The following ODF1 variants were observed in gnomAD, a reference collection of about 807,000 sequenced individuals.
The protein encoded by ODF1 is outer dense fiber of sperm tails 1, also known as outer dense fiber protein 1.
In ODF1, 10 loss-of-function variants were observed where a neutral mutation model predicts 24.0. That is an observed-to-expected ratio of 0.42 (90% CI 0.26 to 0.71). ODF1 has a LOEUF of 0.71. Ranked by LOEUF, ODF1 falls within the 30% of genes least tolerant of loss-of-function variation. The probability of loss-of-function intolerance (pLI) is 0.28; values close to 1 mark genes in which losing one functional copy is unlikely to be tolerated. For missense variants in ODF1, 282 were observed against 307.9 expected, an observed-to-expected ratio of 0.92 and a Z score of 0.63; for synonymous variants, 118 against 121.3, an observed-to-expected ratio of 0.97 and a Z score of 0.18.
intron 1 of ODF1, among the ~76,000 whole-genome samples, chr8:102,558,264 A>C (rs1826136457): frequency 6.6e-6 from 1 of 152,168 alleles, no homozygotes; most frequent in African/African-American, 2.4e-5. Context: ...ATCCTGGCTA[A>C]CACGGTGAAA....
chr8:102,555,692 A>G (rs1475800712), intron 1 of ODF1, among the ~76,000 whole-genome samples: 1 of 152,198 alleles, frequency 6.6e-6, no homozygotes, highest in Non-Finnish European at 1.5e-5. Flanking sequence ...AAGCCCTCAG[A>G]GAAAACATTC....
In ODF1 at chr8:102,551,771, TAAA is replaced by T; in HGVS notation, c.45_47del (p.Ile15_Lys16delinsMet). 6.2e-7 allele frequency: 1 copy of T among 1,613,172 alleles called. No individual in the cohort carries two copies. Among genetic ancestry groups the T allele is most frequent in the Non-Finnish European group, 8.5e-7 (1 of 1,179,394 alleles). ...CTCTTGGACAGTGTCAGAAGGGACA[TAAA>T]GAAGGTGGACAGAGAACTAAGGCAA... On this transcript the variant is annotated inframe_deletion, in exon 1 of 2. Coordinates refer to ENST00000285402, the MANE Select transcript of ODF1 (RefSeq NM_024410.4).
chr8:102,552,730 A>G (rs112028747), intron 1 of ODF1, among the ~76,000 whole-genome samples: 65 of 152,192 alleles, frequency 4.3e-4, no homozygotes, highest in Non-Finnish European at 6.8e-4. Context: ...TTTTTTAAAA[A>G]AATTTTTGTT....
rs776206902 is a variant in ODF1, at chr8:102,560,791, C to G, written c.660C>G (p.Pro220=). 1 of 871,970 alleles carries G rather than the reference C, an allele frequency of 1.1e-6. No individual in the cohort carries two copies. Among genetic ancestry groups the G allele is most frequent in the Non-Finnish European group, 1.5e-6 (1 of 657,622 alleles). The allele number at this position is 871,970 out of a possible 1,614,324, so 54.0% of individuals were successfully genotyped here. The change falls in exon 2 of 2, where the codon CCC becomes CCG. Residue 220 remains proline (P), a synonymous_variant. Transcript: ENST00000285402. ...GCAGCCCCTGCAGCCCCTGCAACCCCTGCAGCCCCTGCAACCCGTGCAGCC... is the reference window on the plus strand; with the variant it reads ...GCAGCCCCTGCAGCCCCTGCAACCCGTGCAGCCCCTGCAACCCGTGCAGCC... ...SPCSPCSPCN[P]CSPCNPCSPY... is the part of the protein sequence containing the mutation.
chr8:102,552,344 T>C (rs902968598), intron 1 of ODF1, among the ~76,000 whole-genome samples: 5 of 151,432 alleles, frequency 3.3e-5, no homozygotes, highest in African/African-American at 1.2e-4. Flanking sequence ...GGGGGTGTCA[T>C]TAAAAAGCCA....
chr8:102,553,319 G>T (rs900545014), intron 1 of ODF1, among the ~76,000 whole-genome samples: 2 of 149,648 alleles, frequency 1.3e-5, no homozygotes, highest in Admixed American at 1.3e-4. Flanking sequence ...AGAGGTTGCA[G>T]TGAGCCAAGA....
rs1171198973 is a variant in ODF1 at position 102,560,480 on chromosome 8, G to T, written c.349G>T (p.Ala117Ser). The change falls in exon 2 of 2, where the codon GCT becomes TCT. Residue 117 changes from alanine (A) to serine (S), a missense_variant. By Grantham distance (99) the Ala-to-Ser change is moderately conservative (BLOSUM62 1). Coordinates refer to ENST00000285402, the MANE Select transcript of ODF1 (RefSeq NM_024410.4). Reference sequence around the variant, plus strand: ...GAGAAGAACAACAAATAGAATTCTGGCTTCCTCCTGCTGTAGCAGTAACAT... The same window carrying T: ...GAGAAGAACAACAAATAGAATTCTGTCTTCCTCCTGCTGTAGCAGTAACAT... The part of the protein sequence containing the change: ...KLRRTTNRIL[A>S]SSCCSSNILG... 6.2e-7 allele frequency: 1 copy of T among 1,614,016 alleles called. No individual in the cohort carries two copies. The highest frequency in any genetic ancestry group is 8.5e-7 in the Non-Finnish European group (1 of 1,179,990).
chr8:102,560,684 G>T lies in ODF1; in HGVS notation c.553G>T (p.Asp185Tyr), dbSNP rs543564104. Residue 185 changes from aspartate to tyrosine, a missense_variant, in exon 2 of 2, where the codon GAT (aspartate) becomes TAT (tyrosine). Coordinates refer to ENST00000285402, the MANE Select transcript of ODF1 (RefSeq NM_024410.4). The stretch of plus-strand genomic sequence containing the variant: ...CTTGCCGCCCTGTGTGGATGAGAAG[G>T]ATGTAACATACTCCTATGGGCTCGG... ...FSLPPCVDEK[D>Y]VTYSYGLGSC... The T allele has an allele frequency of 1.3e-4, 216 of 1,614,090 alleles. 2 individuals are homozygous for T. In the South Asian group the frequency reaches 2.1e-3, roughly 15 times the overall value.
chr8:102,552,514 G>A (rs1826054896), intron 1 of ODF1, among the ~76,000 whole-genome samples: 2 of 152,034 alleles, frequency 1.3e-5, no homozygotes, highest in Admixed American at 6.6e-5. Flanking sequence ...AACAGTAGAG[G>A]CATTGCCTTG....
In ODF1 at chr8:102,557,000, A is replaced by G. The variant is rs1303853817; in HGVS notation, c.321-3452A>G. On this transcript the variant is annotated intron_variant, in intron 1 of 1. Transcript: ENST00000285402. The stretch of plus-strand genomic sequence containing the variant: ...GAGAAGATGGCTGGGTATGCAGCTG[A>G]TCATTGCTGTGGGCAGCATGTTTCA... Among the ~76,000 whole-genome samples, 6 of 152,280 alleles carry G rather than the reference A, an allele frequency of 3.9e-5. No individual in the cohort carries two copies. The South Asian group carries it at 8.3e-4, about 21-fold the overall frequency.
intron 1 of ODF1, among the ~76,000 whole-genome samples, chr8:102,559,046 T>C (rs1826147105): frequency 7.8e-6 from 1 of 128,752 alleles, no homozygotes; most frequent in Non-Finnish European, 1.7e-5. Flanking sequence ...CCACAGCACA[T>C]TGCAAAAAAA....
intron 1 of ODF1, among the ~76,000 whole-genome samples, chr8:102,555,327 G>T (rs2436897): frequency 0.85 from 129,806 of 152,078 alleles, 55,773 homozygotes; most frequent in African/African-American, 0.9. Flanking sequence ...AGGAGTTTAT[G>T]ATCTAATTCA....
chr8:102,553,735 C>G (rs961353370), intron 1 of ODF1, among the ~76,000 whole-genome samples: 3 of 152,230 alleles, frequency 2.0e-5, no homozygotes, highest in African/African-American at 7.2e-5. Context: ...CCTGTGCTGT[C>G]TACTCTCTTG....
intron 1 of ODF1, among the ~76,000 whole-genome samples, chr8:102,552,377 T>C (rs1826052342): frequency 6.6e-6 from 1 of 152,002 alleles, no homozygotes; most frequent in African/African-American, 2.4e-5. Context: ...AACTAAACAT[T>C]TTTCCTGGTT....
Position 102,560,459 on chromosome 8 carries a change from A to G in ODF1, c.328A>G (p.Arg110Gly), listed in dbSNP as rs1389171285. 1 of 1,613,788 alleles carries G rather than the reference A, an allele frequency of 6.2e-7. No individual in the cohort carries two copies. The highest frequency in any genetic ancestry group is 2.2e-5 in the East Asian group (1 of 44,886). Residue 110 changes from arginine (R) to glycine (G), a missense_variant, in exon 2 of 2, where the codon AGA (arginine) becomes GGA (glycine). By Grantham distance (125) the Arg-to-Gly change is moderately radical (BLOSUM62 -2). Coordinates refer to ENST00000285402, the MANE Select transcript of ODF1 (RefSeq NM_024410.4). Reference sequence around the variant, plus strand: ...CCCTTTTCTCAATTCCAGACTGAGAAGAACAACAAATAGAATTCTGGCTTC... The same window carrying G: ...CCCTTTTCTCAATTCCAGACTGAGAGGAACAACAAATAGAATTCTGGCTTC... ...DEKRELAKLR[R>G]TTNRILASSC...
chr8:102,552,507 A>G (rs552017731), intron 1 of ODF1, among the ~76,000 whole-genome samples: 1 of 152,160 alleles, frequency 6.6e-6, no homozygotes, highest in Non-Finnish European at 1.5e-5. Flanking sequence ...CAAATTGAAC[A>G]GTAGAGGCAT....
intron 1 of ODF1, among the ~76,000 whole-genome samples, chr8:102,559,720 ACCAGCCTGGGCAGAG>A (rs1272937950): frequency 1.3e-5 from 2 of 151,310 alleles, no homozygotes; most frequent in Admixed American, 1.3e-4. Flanking sequence ...TTCACACAAC[ACCAGCCTGGGCAGAG>A]CCAGGCCAGG....
intron 1 of ODF1, among the ~76,000 whole-genome samples, chr8:102,552,785 A>C (rs2436901): frequency 0.57 from 86,896 of 151,950 alleles, 25,433 homozygotes; most frequent in Middle Eastern, 0.71. Flanking sequence ...TTCCTTTTCT[A>C]ACTTTTTACA....
At chr8:102,560,268 A>T (rs1234586810) in intron 1 of ODF1, among the ~76,000 whole-genome samples, 184 bp from the exon 2 acceptor site, 1 of 152,192 alleles carries the variant, frequency 6.6e-6, no homozygotes, top group Non-Finnish European at 1.5e-5. Flanking sequence ...CTTGCGGGGC[A>T]GTGTGATTCG....
Sources: gnomAD v4.1 joint callset for allele counts (sites outside exome capture counted in the v4.1 genomes callset) on GRCh38, gnomAD v4.1.1 for gene constraint, MANE v1.5 for transcripts, NCBI Gene and HGNC (gene_info 2026-07-23, HGNC 2026-07-21) for gene names.